SNTG1: variants seen among roughly 807,000 people sequenced by gnomAD.
The protein encoded by SNTG1 is syntrophin gamma 1, also known as gamma-1-syntrophin.
Under a neutral mutation model 74.7 loss-of-function variants are expected in SNTG1, and 39 were observed. The ratio of observed to expected loss-of-function variants is 0.52; its 90% CI spans 0.40 to 0.68. The LOEUF (loss-of-function observed/expected upper bound fraction) is 0.68, where lower values mean the gene tolerates loss of function less well. SNTG1 is among the 30% of genes least tolerant of loss of function. The probability of loss-of-function intolerance (pLI) is 0.00; values close to 1 mark genes in which losing one functional copy is unlikely to be tolerated. For missense variants in SNTG1, 685 were observed against 609.5 expected (o/e 1.12, Z -1.30); for synonymous variants, 254 against 217.1 (o/e 1.17, Z -1.49).
rs935078488 is a variant in SNTG1, at chr8:50,721,577, C to A, written c.1284+12599C>A. Among the ~76,000 whole-genome samples the A allele has an allele frequency of 8.5e-5, 13 of 152,180 alleles. No individual in the cohort carries two copies. The East Asian group carries it at 2.5e-3, about 29-fold the overall frequency. Reference sequence around the variant, plus strand: ...CCTCTATTTTAAGAAAGAAGTCAGGCATTAGCAATAAGAGTTTATTTATAA... The same window carrying A: ...CCTCTATTTTAAGAAAGAAGTCAGGAATTAGCAATAAGAGTTTATTTATAA... On this transcript the variant is annotated intron_variant, in intron 17 of 18. Transcript: ENST00000642720.
At chr8:49,926,144 G>T (rs1200069048) in intron 1 of SNTG1, among the ~76,000 whole-genome samples, 1 of 151,984 alleles carries the variant, frequency 6.6e-6, no homozygotes, top group East Asian at 1.9e-4. Context: ...TAAGGTTCTA[G>T]AAATTAATGT....
intron 15 of SNTG1, among the ~76,000 whole-genome samples, chr8:50,664,417 G>T (rs141221219): frequency 0.016 from 2,441 of 152,234 alleles, 39 homozygotes; most frequent in Middle Eastern, 0.037. Context: ...GTTGGCAAAT[G>T]CCACAAACAT....
chr8:50,306,749 T>G lies in SNTG1; in HGVS notation c.-27-87463T>G, dbSNP rs1458031853. Among the ~76,000 whole-genome samples, 4 of 151,990 alleles carry G rather than the reference T, an allele frequency of 2.6e-5. No individual in the cohort carries two copies. In the East Asian group the frequency reaches 7.7e-4, roughly 29 times the overall value. Reference sequence around the variant, plus strand: ...CTACTTTTTGATGGATTTTTTTTTCTGATTTCTTTGAGTTCCATGTAGATT... The same window carrying G: ...CTACTTTTTGATGGATTTTTTTTTCGGATTTCTTTGAGTTCCATGTAGATT... On this transcript the variant is annotated intron_variant, in intron 2 of 18. Coordinates refer to ENST00000642720, the MANE Select transcript of SNTG1 (RefSeq NM_018967.5).
chr8:50,782,957 C>T (rs13281595), intron 18 of SNTG1, among the ~76,000 whole-genome samples: 48,837 of 151,958 alleles, frequency 0.32, 7,971 homozygotes, highest in Middle Eastern at 0.44. Context: ...TTGGAGTTTG[C>T]CAGAGGTCCA....
chr8:50,103,464 A>G (rs985476268), intron 1 of SNTG1, among the ~76,000 whole-genome samples: 1 of 152,200 alleles, frequency 6.6e-6, no homozygotes, highest in Non-Finnish European at 1.5e-5. Flanking sequence ...TTTTGGGCTG[A>G]GATGATGGGG....
intron 15 of SNTG1, among the ~76,000 whole-genome samples, chr8:50,676,545 T>G (rs2131370696): frequency 6.6e-6 from 1 of 152,060 alleles, no homozygotes; most frequent in Non-Finnish European, 1.5e-5. Flanking sequence ...TTTATCAAGG[T>G]TTTTAGCTTC....
intron 8 of SNTG1, among the ~76,000 whole-genome samples, chr8:50,462,518 T>C (rs922644191): frequency 1.5e-5 from 1 of 67,052 alleles, no homozygotes; most frequent in Non-Finnish European, 4.8e-5. Flanking sequence ...CTTCCTTTCA[T>C]GAAAAATTTT....
chr8:50,049,832 G>A (rs1388856809), intron 1 of SNTG1, among the ~76,000 whole-genome samples: 1 of 151,956 alleles, frequency 6.6e-6, no homozygotes, highest in Non-Finnish European at 1.5e-5. Context: ...ATGCTTACAG[G>A]TTAATCAACT....
intron 1 of SNTG1, among the ~76,000 whole-genome samples, chr8:50,067,253 CTTT>C (rs541740641): frequency 6.6e-6 from 1 of 151,244 alleles, no homozygotes; most frequent in South Asian, 2.1e-4. Flanking sequence ...ACATATGTGG[CTTT>C]TTTTTTACCA....
intron 1 of SNTG1, among the ~76,000 whole-genome samples, chr8:49,987,836 G>T (rs976390690): frequency 6.6e-6 from 1 of 151,860 alleles, no homozygotes; most frequent in African/African-American, 2.4e-5. Context: ...TTTCGGTAGA[G>T]CCGGGGTTTC....
intron 2 of SNTG1, among the ~76,000 whole-genome samples, chr8:50,205,794 A>G (rs915239882): frequency 3.3e-5 from 5 of 152,206 alleles, no homozygotes; most frequent in Non-Finnish European, 5.9e-5. Flanking sequence ...ATGGCTAGCC[A>G]GTTTTCCCAG....
chr8:49,923,532 A>G (rs1207801392), intron 1 of SNTG1, among the ~76,000 whole-genome samples: 1 of 152,146 alleles, frequency 6.6e-6, no homozygotes, highest in Non-Finnish European at 1.5e-5. Flanking sequence ...ACTGTAATGA[A>G]GCCAAATTAC....
chr8:50,354,174 A>G (rs994931479), intron 2 of SNTG1, among the ~76,000 whole-genome samples: 2 of 152,150 alleles, frequency 1.3e-5, no homozygotes, highest in Non-Finnish European at 2.9e-5. Context: ...GTTGTTCTTT[A>G]TTAGCTGTTA....
At chr8:50,164,421 G>A (rs1199007874) in intron 1 of SNTG1, 1 of 152,094 alleles carries the variant, frequency 6.6e-6, no homozygotes, top group Non-Finnish European at 1.5e-5. Flanking sequence ...TTGTTTACTG[G>A]TACTTATTCA....
intron 13 of SNTG1, among the ~76,000 whole-genome samples, chr8:50,600,584 G>C (rs1049159705): frequency 1.3e-5 from 2 of 151,758 alleles, no homozygotes; most frequent in Admixed American, 6.6e-5. Context: ...ATATATTTTT[G>C]CTCATAATAG....
chr8:50,723,385 A>G (rs2095492386), intron 17 of SNTG1, among the ~76,000 whole-genome samples: 2 of 152,330 alleles, frequency 1.3e-5, no homozygotes, highest in South Asian at 2.1e-4. Flanking sequence ...ATCCAAATTC[A>G]AGGTCCTTTG....
At chr8:50,023,788 G>T (rs1423788748) in intron 1 of SNTG1, among the ~76,000 whole-genome samples, 1 of 152,138 alleles carries the variant, frequency 6.6e-6, no homozygotes, top group Non-Finnish European at 1.5e-5. Context: ...AGAAAGGAAT[G>T]AATGGCAATT....
intron 15 of SNTG1, among the ~76,000 whole-genome samples, chr8:50,696,819 C>T (rs1034769059): frequency 1.3e-5 from 2 of 151,902 alleles, no homozygotes; most frequent in Non-Finnish European, 2.9e-5. Context: ...GTTTTTATGC[C>T]AGTACCATGC....
At chr8:50,487,617 C>T (rs551800583) in intron 8 of SNTG1, among the ~76,000 whole-genome samples, 16 of 147,966 alleles carry the variant, frequency 1.1e-4, no homozygotes, top group South Asian at 4.2e-4. Context: ...TATTCTCACT[C>T]GTAGGTGGGA....
Sources: allele counts gnomAD v4.1 joint callset (sites outside exome capture counted in the v4.1 genomes callset), GRCh38; gene constraint gnomAD v4.1.1; transcripts MANE v1.5; gene names NCBI Gene and HGNC (gene_info 2026-07-23, HGNC 2026-07-21).